BABAM2: variants seen among roughly 807,000 people sequenced by gnomAD.
BABAM2 encodes BRISC and BRCA1-A complex member 2.
Under a neutral mutation model 54.7 loss-of-function variants are expected in BABAM2, and 31 were observed. That is an observed-to-expected ratio of 0.57 (90% CI 0.43 to 0.77). The LOEUF (loss-of-function observed/expected upper bound fraction) is 0.77. BABAM2 is among the 30% of genes least tolerant of loss of function. BABAM2 has a pLI of 0.00. For synonymous variants in BABAM2, 167 were observed against 162.9 expected (o/e 1.03, Z -0.19); for missense variants, 364 against 455.8 (o/e 0.80, Z 1.83).
intron 4 of BABAM2, among the ~76,000 whole-genome samples, chr2:27,994,234 C>T (rs1672975788): frequency 6.6e-6 from 1 of 152,114 alleles, no homozygotes; most frequent in African/African-American, 2.4e-5. Context: ...GGGCACTTTA[C>T]CATATCCATG....
At chr2:28,287,928 T>C (rs2148213510) in intron 10 of BABAM2, among the ~76,000 whole-genome samples, 1 of 152,138 alleles carries the variant, frequency 6.6e-6, no homozygotes, top group Middle Eastern at 3.4e-3. Context: ...CAGTGTGTGA[T>C]GGATGAGGGA....
chr2:28,011,447 C>G (rs756828181), intron 4 of BABAM2, among the ~76,000 whole-genome samples: 4 of 152,096 alleles, frequency 2.6e-5, no homozygotes, highest in Non-Finnish European at 5.9e-5. Context: ...CCCATTTGCA[C>G]ATAAGTTGTG....
chr2:27,956,144 C>T (rs1670066260), intron 3 of BABAM2, among the ~76,000 whole-genome samples: 1 of 152,086 alleles, frequency 6.6e-6, no homozygotes, highest in Admixed American at 6.5e-5. Context: ...GTCTTCTTTT[C>T]ATCTTTACGA....
chr2:27,977,226 T>C (rs879611812), intron 3 of BABAM2, among the ~76,000 whole-genome samples: 1 of 152,168 alleles, frequency 6.6e-6, no homozygotes, highest in Non-Finnish European at 1.5e-5. Context: ...TGGTTAGACA[T>C]TATTGTTTAA....
At chr2:28,086,112 T>C (rs1371368636) in intron 6 of BABAM2, among the ~76,000 whole-genome samples, 2 of 152,204 alleles carry the variant, frequency 1.3e-5, no homozygotes, top group African/African-American at 4.8e-5. Context: ...AACTTGTCCG[T>C]CTGTAATTTG....
At chr2:28,040,291 A>ATTATTTTTTTTTTTTTTTT (rs1204898070) in intron 5 of BABAM2, among the ~76,000 whole-genome samples, 1 of 97,240 alleles carries the variant, frequency 1.0e-5, no homozygotes, top group Non-Finnish European at 2.1e-5. Flanking sequence ...GAAAAACTGA[A>ATTATTTTTTTTTTTTTTTT]TTCTTTTTTT....
chr2:28,033,892 G>C (rs548366149), intron 5 of BABAM2, among the ~76,000 whole-genome samples: 2 of 151,966 alleles, frequency 1.3e-5, no homozygotes, highest in South Asian at 4.2e-4. Flanking sequence ...ATCTGTGAGA[G>C]AAAACAGTTT....
Position 28,216,522 on chromosome 2 carries a change from C to CT in BABAM2, c.681-20679dup, listed in dbSNP as rs1308597492. ...TCTAATTAGAGTTGCCATGACAACT[C>CT]TGTTTTCATGCAGTATAACAGACCT... On this transcript the variant is annotated intron_variant, in intron 7 of 11. Transcript: ENST00000379624. Among the ~76,000 whole-genome samples, 7 of 152,314 alleles carry CT rather than the reference C, an allele frequency of 4.6e-5. No individual in the cohort carries two copies. In the East Asian group the frequency reaches 1.4e-3, roughly 29 times the overall value.
At chr2:28,121,052 G>A (rs1669023742) in intron 6 of BABAM2, among the ~76,000 whole-genome samples, 1 of 152,128 alleles carries the variant, frequency 6.6e-6, no homozygotes, top group Non-Finnish European at 1.5e-5. Context: ...ACTAAATGCT[G>A]CCTTCATAAG....
chr2:27,898,260 C>T (rs900842685), intron 2 of BABAM2, among the ~76,000 whole-genome samples: 8 of 152,116 alleles, frequency 5.3e-5, no homozygotes, highest in African/African-American at 1.9e-4. Flanking sequence ...AAGATTGTGC[C>T]TAATCCTATT....
intron 4 of BABAM2, among the ~76,000 whole-genome samples, chr2:28,020,168 C>T (rs1298701955): frequency 3.3e-5 from 5 of 152,226 alleles, no homozygotes; most frequent in Non-Finnish European, 1.5e-5. Context: ...GTTTTCCAGA[C>T]GGTTATGGCA....
intron 7 of BABAM2, among the ~76,000 whole-genome samples, chr2:28,150,506 T>C (rs191055430): frequency 6.6e-6 from 1 of 152,328 alleles, no homozygotes; most frequent in East Asian, 1.9e-4. Context: ...TGTTGACACA[T>C]GTTCTGATAG....
intron 4 of BABAM2, among the ~76,000 whole-genome samples, chr2:27,998,134 C>T (rs1673305148): frequency 6.6e-6 from 1 of 151,922 alleles, no homozygotes; most frequent in African/African-American, 2.4e-5. Context: ...GCCTGGGAAA[C>T]AGAGTGAGAC....
At chr2:27,935,200 G>A (rs1001506914) in intron 3 of BABAM2, among the ~76,000 whole-genome samples, 1 of 152,170 alleles carries the variant, frequency 6.6e-6, no homozygotes, top group Non-Finnish European at 1.5e-5. Flanking sequence ...AAATCCTAAG[G>A]CCCATAAGAA....
chr2:28,207,856 G>C (rs565375703), intron 7 of BABAM2, among the ~76,000 whole-genome samples: 2 of 152,060 alleles, frequency 1.3e-5, no homozygotes, highest in South Asian at 4.2e-4. Flanking sequence ...TTAATTACTG[G>C]TGTGCTTCTC....
intron 4 of BABAM2, among the ~76,000 whole-genome samples, chr2:28,007,957 A>G (rs1674092146): frequency 6.6e-6 from 1 of 152,106 alleles, no homozygotes; most frequent in Non-Finnish European, 1.5e-5. Flanking sequence ...AATGTTTTGG[A>G]TCCTTTAATA....
At chr2:27,927,298 G>A (rs756997044) in intron 2 of BABAM2, among the ~76,000 whole-genome samples, 3 of 152,170 alleles carry the variant, frequency 2.0e-5, no homozygotes, top group Non-Finnish European at 4.4e-5. Context: ...ACTGGAATCA[G>A]GTTAATCCTG....
intron 7 of BABAM2, among the ~76,000 whole-genome samples, chr2:28,137,405 A>C (rs1670647972): frequency 6.6e-6 from 1 of 152,128 alleles, no homozygotes; most frequent in African/African-American, 2.4e-5. Flanking sequence ...TCCTCTAGGG[A>C]CTTGAGATGT....
chr2:27,900,959 C>T (rs961021612), intron 2 of BABAM2, among the ~76,000 whole-genome samples: 1 of 146,902 alleles, frequency 6.8e-6, no homozygotes, highest in Non-Finnish European at 1.5e-5. Context: ...AGGAGAATGG[C>T]GTGAACCCGG....
Sources: allele counts gnomAD v4.1 joint callset (sites outside exome capture counted in the v4.1 genomes callset), GRCh38; gene constraint gnomAD v4.1.1; transcripts MANE v1.5; gene names NCBI Gene and HGNC (gene_info 2026-07-23, HGNC 2026-07-21).